LHFPL2: variants seen among roughly 807,000 people sequenced by gnomAD.
LHFPL2 encodes the protein LHFPL tetraspan subfamily member 2 protein.
Under a neutral mutation model 17.5 loss-of-function variants are expected in LHFPL2, and 7 were observed. That is an observed-to-expected ratio of 0.40 (90% CI 0.23 to 0.75). The LOEUF is 0.75. LHFPL2 is among the 30% of genes least tolerant of loss of function. The pLI, the probability that LHFPL2 is intolerant of heterozygous loss-of-function variation, is 0.37. For synonymous variants in LHFPL2, 134 were observed against 116.2 expected, an observed-to-expected ratio of 1.15 and a Z score of -0.99; for missense variants, 241 against 294.8, an observed-to-expected ratio of 0.82 and a Z score of 1.34.
intron 2 of LHFPL2, among the ~76,000 whole-genome samples, chr5:78,566,871 C>G (rs1407280317): frequency 6.6e-6 from 1 of 152,180 alleles, no homozygotes; most frequent in Non-Finnish European, 1.5e-5. Flanking sequence ...GTATTTTTAT[C>G]TGGAAATGGC....
chr5:78,559,431 C>CT (rs1756666404), intron 3 of LHFPL2, among the ~76,000 whole-genome samples: 3 of 152,180 alleles, frequency 2.0e-5, no homozygotes, highest in African/African-American at 7.2e-5. Flanking sequence ...AGGGAAGCAA[C>CT]TTTTCATAGA....
At chr5:78,594,735 C>T (rs982469046) in intron 2 of LHFPL2, among the ~76,000 whole-genome samples, 1 of 152,174 alleles carries the variant, frequency 6.6e-6, no homozygotes, top group Non-Finnish European at 1.5e-5. Context: ...GAATGTTTTA[C>T]TTGAAAACAC....
At chr5:78,564,224 T>C (rs1030926037) in intron 3 of LHFPL2, among the ~76,000 whole-genome samples, 6 of 152,236 alleles carry the variant, frequency 3.9e-5, no homozygotes, top group African/African-American at 1.2e-4. Flanking sequence ...TATTTGACTA[T>C]GTACTGCCTT....
At position 78,609,140 on chromosome 5, in the gene LHFPL2, C is replaced by T. The variant is rs77150051; in HGVS notation, c.-245+23124G>A. Among the ~76,000 whole-genome samples the T allele has an allele frequency of 6.9e-3, 1,054 of 152,090 alleles. 6 individuals carry two copies. Among genetic ancestry groups the T allele is most frequent in the Non-Finnish European group, 0.011 (730 of 67,978 alleles). On this transcript the variant is annotated intron_variant, in intron 2 of 4. Coordinates refer to ENST00000380345, the MANE Select transcript of LHFPL2 (RefSeq NM_005779.3). Reference sequence around the variant, plus strand: ...TGTAGTACAAAGATGTTTAATGGAGCATTATTCACAACTGGAGAAAAATCC... The same window carrying T: ...TGTAGTACAAAGATGTTTAATGGAGTATTATTCACAACTGGAGAAAAATCC...
rs1295941119 is a variant in LHFPL2 at position 78,576,132 on chromosome 5, A to G, written c.-244-11261T>C. Among the ~76,000 whole-genome samples, 13 of 152,066 alleles carry G rather than the reference A, an allele frequency of 8.5e-5. No homozygotes were observed. The East Asian group carries it at 2.5e-3, about 29-fold the overall frequency. On this transcript the variant is annotated intron_variant, in intron 2 of 4. Coordinates refer to ENST00000380345, the MANE Select transcript of LHFPL2 (RefSeq NM_005779.3). ...AACACGGTGAAACCCCGTCTCCACT[A>G]AAAAAACAAAAAATTCTCCGGGCGT...
At chr5:78,647,489 T>C (rs558097439) in intron 1 of LHFPL2, among the ~76,000 whole-genome samples, 1 of 152,316 alleles carries the variant, frequency 6.6e-6, no homozygotes, top group East Asian at 1.9e-4. Flanking sequence ...CTTTCCTCCC[T>C]CGGCTCCAGC....
intron 3 of LHFPL2, among the ~76,000 whole-genome samples, chr5:78,562,629 C>A (rs1756758676): frequency 3.0e-5 from 4 of 133,504 alleles, no homozygotes; most frequent in African/African-American, 2.8e-5. Context: ...AGTGAGATTC[C>A]ACCTCAAAAA....
At chr5:78,645,543 TACACACACACACACACACACACAC>T (rs56911011) in intron 1 of LHFPL2, among the ~76,000 whole-genome samples, 14 of 137,330 alleles carry the variant, frequency 1.0e-4, no homozygotes, top group South Asian at 2.5e-4. Flanking sequence ...GACAGATGCA[TACACACACACACACACACACACAC>T]ACACACACAC....
intron 3 of LHFPL2, among the ~76,000 whole-genome samples, chr5:78,545,763 C>A (rs536003816): frequency 6.6e-6 from 1 of 152,228 alleles, no homozygotes; most frequent in Non-Finnish European, 1.5e-5. Context: ...ACAGAGTCAA[C>A]TGACCGAAGA....
intron 3 of LHFPL2, among the ~76,000 whole-genome samples, chr5:78,561,517 T>C (rs1756725676): frequency 6.6e-6 from 1 of 152,208 alleles, no homozygotes; most frequent in African/African-American, 2.4e-5. Flanking sequence ...GAGTCCCACC[T>C]TGTGGGGTCA....
At chr5:78,571,561 G>C (rs1205754735) in intron 2 of LHFPL2, among the ~76,000 whole-genome samples, 1 of 152,114 alleles carries the variant, frequency 6.6e-6, no homozygotes, top group Non-Finnish European at 1.5e-5. Flanking sequence ...ACTGTGGCTT[G>C]GGGTGACATC....
rs2112281221 is a variant in LHFPL2 at position 78,488,733 on chromosome 5, C to T, written c.*164G>A. 1.4e-6 allele frequency: 1 copy of T among 708,364 alleles called. No homozygotes were observed. The highest frequency in any genetic ancestry group is 1.8e-5 in the South Asian group (1 of 57,094). The allele number at this position is 708,364 out of a possible 1,614,324, so 43.9% of individuals were successfully genotyped here. On this transcript the variant is annotated 3_prime_UTR_variant, in exon 5 of 5. Coordinates refer to ENST00000380345, the MANE Select transcript of LHFPL2 (RefSeq NM_005779.3). ...GCACTGCAGACCGCATGTCCAGTAA[C>T]TTTGCGTAGCTGGATGTGGCCTCTC...
At position 78,485,272 on chromosome 5, in the gene LHFPL2, C is replaced by G. The variant is rs1754200013; in HGVS notation, c.*3625G>C. 1 of 152,518 alleles carries G rather than the reference C, an allele frequency of 6.6e-6. No homozygotes were observed. Among genetic ancestry groups the G allele is most frequent in the Non-Finnish European group, 1.5e-5 (1 of 68,016 alleles). 9.4% of individuals were successfully genotyped at this position (152,518 alleles called of 1,614,324 possible). A position where few individuals can be genotyped will look rare whatever the true frequency, so the allele number is the denominator to read the frequency against. ...TTTAATTAAGATCTGGGGAGGGGAG[C>G]ACATAGTGAAAATACATATGCACAG... On this transcript the variant is annotated 3_prime_UTR_variant, in exon 5 of 5. Coordinates refer to ENST00000380345, the MANE Select transcript of LHFPL2 (RefSeq NM_005779.3).
At chr5:78,541,197 G>A (rs747579799) in intron 3 of LHFPL2, among the ~76,000 whole-genome samples, 18 of 152,016 alleles carry the variant, frequency 1.2e-4, no homozygotes, top group East Asian at 3.9e-4. Context: ...TAAATCCTCC[G>A]CCTTGAAAGA....
rs993715288 is a variant in LHFPL2, at chr5:78,501,027, G to A, written c.430+8757C>T. The stretch of plus-strand genomic sequence containing the variant: ...CATTTACTGAGCATCTACTATGTAC[G>A]TAGTGGGTTCCATTCTGAACACTAG... On this transcript the variant is annotated intron_variant, in intron 4 of 4. Transcript: ENST00000380345. Among the ~76,000 whole-genome samples, 6 of 152,140 alleles carry A rather than the reference G, an allele frequency of 3.9e-5. No homozygotes were observed. In the East Asian group the frequency reaches 5.8e-4, roughly 15 times the overall value.
intron 2 of LHFPL2, among the ~76,000 whole-genome samples, chr5:78,627,881 C>A (rs1745109018): frequency 6.6e-6 from 1 of 152,234 alleles, no homozygotes; most frequent in Non-Finnish European, 1.5e-5. Context: ...AGAGGACCCA[C>A]AAGCCTTCCT....
chr5:78,553,937 A>G (rs1232581940), intron 3 of LHFPL2, among the ~76,000 whole-genome samples: 2 of 152,238 alleles, frequency 1.3e-5, no homozygotes, highest in Non-Finnish European at 2.9e-5. Flanking sequence ...TTTGTTGTTG[A>G]GGCACAATAT....
At position 78,489,103 on chromosome 5, in the gene LHFPL2, G is replaced by A; in HGVS notation, c.481C>T (p.Gln161Ter). ...LILYPAGWGC[Q>*]KAIDYCGHYA... ...TGTCCACAGTAGTCTATGGCCTTCT[G>A]GCAACCCCAGCCAGCAGGGTAGAGT... The change falls in exon 5 of 5, where the codon CAG becomes TAG. Residue 161 changes from glutamine (Q) to a stop codon, truncating the protein, a stop_gained. Transcript: ENST00000380345. LOFTEE classifies it high-confidence loss of function. 6.2e-7 allele frequency: 1 copy of A among 1,614,160 alleles called. No homozygotes were observed. The highest frequency in any genetic ancestry group is 8.5e-7 in the Non-Finnish European group (1 of 1,180,020).
chr5:78,525,567 C>T (rs573110427), intron 3 of LHFPL2, among the ~76,000 whole-genome samples: 3 of 152,132 alleles, frequency 2.0e-5, no homozygotes, highest in African/African-American at 7.2e-5. Context: ...TAGAAACACA[C>T]GGCCACTTAT....
Sources: gnomAD v4.1 joint callset for allele counts (sites outside exome capture counted in the v4.1 genomes callset) on GRCh38, gnomAD v4.1.1 for gene constraint, MANE v1.5 for transcripts, NCBI Gene and HGNC (gene_info 2026-07-23, HGNC 2026-07-21) for gene names.